Variants in KLF12 observed in about 807,000 individuals in gnomAD.
KLF12 encodes the protein KLF transcription factor 12.
Under a neutral mutation model 37.8 loss-of-function variants are expected in KLF12, and 9 were observed. The observed-to-expected ratio is 0.24, with a 90% CI of 0.14 to 0.42. KLF12 has a LOEUF of 0.42. Ranked by LOEUF, KLF12 falls within the 10% of genes least tolerant of loss-of-function variation. The pLI is 1.00. For synonymous variants in KLF12, 208 were observed against 202.1 expected (o/e 1.03, Z -0.25); for missense variants, 411 against 516.0 (o/e 0.80, Z 1.97).
At chr13:73,769,547 A>C (rs1594069877) in intron 5 of KLF12, among the ~76,000 whole-genome samples, 1 of 152,090 alleles carries the variant, frequency 6.6e-6, no homozygotes, top group East Asian at 1.9e-4. Flanking sequence ...CCACTATTTA[A>C]ACTCACTCTG....
chr13:73,702,944 T>G (rs1874666389), intron 7 of KLF12, among the ~76,000 whole-genome samples: 1 of 152,188 alleles, frequency 6.6e-6, no homozygotes, highest in Non-Finnish European at 1.5e-5. Flanking sequence ...GCCCCTGACT[T>G]GTCTGCAGAC....
chr13:73,723,527 T>C (rs1401009547), intron 6 of KLF12, among the ~76,000 whole-genome samples: 2 of 152,034 alleles, frequency 1.3e-5, no homozygotes, highest in Non-Finnish European at 2.9e-5. Flanking sequence ...TAGGTCAGAA[T>C]AGGATTAATT....
In KLF12 at chr13:74,036,522, A is replaced by G. The variant is rs118100260; in HGVS notation, c.-31-41469T>C. 9.9e-3 allele frequency among the ~76,000 whole-genome samples: 1,515 copies of G among 152,318 alleles called. 25 individuals carry two copies. Among genetic ancestry groups the G allele is most frequent in the East Asian group, 0.057 (295 of 5,188 alleles). ...TGAACACCACCAGCAGGAACACAGC[A>G]TTCCCAAGAAGGTTTTTCAACCTGA... On this transcript the variant is annotated intron_variant, in intron 1 of 7. Transcript: ENST00000377669.
intron 5 of KLF12, among the ~76,000 whole-genome samples, chr13:73,784,335 A>AT (rs1471068485): frequency 2.6e-5 from 4 of 152,128 alleles, no homozygotes; most frequent in African/African-American, 9.7e-5. Flanking sequence ...ACTCCTTAAC[A>AT]TGACATTAAA....
chr13:74,015,298 G>T (rs182697904), intron 1 of KLF12, among the ~76,000 whole-genome samples: 74 of 152,132 alleles, frequency 4.9e-4, no homozygotes, highest in African/African-American at 1.8e-3. Flanking sequence ...TATAAATTTG[G>T]TGAGCACAGG....
chr13:74,039,731 A>G (rs1333120936), intron 1 of KLF12, among the ~76,000 whole-genome samples: 1 of 152,226 alleles, frequency 6.6e-6, no homozygotes, highest in East Asian at 1.9e-4. Flanking sequence ...GCGTAATACA[A>G]TTAGGATAAA....
chr13:73,949,461 T>C (rs1315016879), intron 2 of KLF12, among the ~76,000 whole-genome samples: 1 of 152,194 alleles, frequency 6.6e-6, no homozygotes, highest in Non-Finnish European at 1.5e-5. Context: ...GTTTTCCACA[T>C]ATTTTCTTAA....
At chr13:74,025,573 A>G (rs1027529600) in intron 1 of KLF12, among the ~76,000 whole-genome samples, 8 of 152,100 alleles carry the variant, frequency 5.3e-5, no homozygotes, top group Non-Finnish European at 1.2e-4. Context: ...TAAAAAAAAA[A>G]AAAAGAAAAT....
At chr13:73,807,318 A>C (rs1384624213) in intron 5 of KLF12, among the ~76,000 whole-genome samples, 2 of 151,934 alleles carry the variant, frequency 1.3e-5, no homozygotes, top group African/African-American at 4.8e-5. Context: ...TAAAAAAAAA[A>C]AAAATCATAA....
the KLF12 span, among the ~76,000 whole-genome samples, chr13:74,260,627 A>T: frequency 8.5e-6 from 1 of 117,204 alleles, no homozygotes; most frequent in African/African-American, 5.0e-5. Context: ...ATAAAATAAA[A>T]TAGTGAATTA....
intron 5 of KLF12, among the ~76,000 whole-genome samples, chr13:73,783,914 T>G (rs1881141078): frequency 6.6e-6 from 1 of 152,152 alleles, no homozygotes; most frequent in Admixed American, 6.5e-5. Flanking sequence ...CATGTTATAT[T>G]TCCACAGGTA....
the KLF12 span, among the ~76,000 whole-genome samples, chr13:74,190,724 C>T: frequency 1.3e-5 from 2 of 152,156 alleles, no homozygotes; most frequent in South Asian, 4.2e-4. Flanking sequence ...TTATATGCAT[C>T]ATTGATTAAA....
chr13:74,071,356 G>A (rs1437684232), intron 1 of KLF12, among the ~76,000 whole-genome samples: 2 of 151,962 alleles, frequency 1.3e-5, no homozygotes, highest in African/African-American at 4.8e-5. Context: ...CCTATAATCC[G>A]CAAGACTAAA....
At chr13:73,973,685 T>A (rs1303383877) in intron 2 of KLF12, among the ~76,000 whole-genome samples, 1 of 151,002 alleles carries the variant, frequency 6.6e-6, no homozygotes, top group African/African-American at 2.4e-5. Flanking sequence ...AACAAAGTCA[T>A]AGGGAAAACA....
At chr13:74,174,753 C>G in the KLF12 span, among the ~76,000 whole-genome samples, 2 of 152,216 alleles carry the variant, frequency 1.3e-5, no homozygotes, top group Admixed American at 1.3e-4. Flanking sequence ...CTTCCATTTA[C>G]GCATTTGCTC....
chr13:73,974,851 T>C lies in KLF12; in HGVS notation c.33+20139A>G, dbSNP rs138386075. On this transcript the variant is annotated intron_variant, in intron 2 of 7. Transcript: ENST00000377669. ...GAACCAGGGATTAACATCAAACAGA[T>C]TTAAATGCAACACTATTATTTGCTG... Among the ~76,000 whole-genome samples the C allele has an allele frequency of 6.6e-5, 10 of 152,284 alleles. No homozygotes were observed. In the East Asian group the frequency reaches 1.9e-3, roughly 29 times the overall value.
At chr13:74,160,489 C>T in the KLF12 span, among the ~76,000 whole-genome samples, 37 of 152,180 alleles carry the variant, frequency 2.4e-4, no homozygotes, top group Admixed American at 2.0e-3. Context: ...TTTCAGGGAA[C>T]GTCTCAGCCT....
intron 5 of KLF12, chr13:73,800,975 C>A (rs962842580): frequency 2.0e-5 from 3 of 152,016 alleles, no homozygotes; most frequent in African/African-American, 7.2e-5. Context: ...TTAGAATAAG[C>A]CACGATGCAT....
intron 2 of KLF12, among the ~76,000 whole-genome samples, chr13:73,951,461 G>T (rs1342501926): frequency 6.6e-6 from 1 of 152,122 alleles, no homozygotes; most frequent in Non-Finnish European, 1.5e-5. Flanking sequence ...ACAATCTATT[G>T]TTCATTGCTT....
Sources: allele counts gnomAD v4.1 joint callset (sites outside exome capture counted in the v4.1 genomes callset), GRCh38; gene constraint gnomAD v4.1.1; transcripts MANE v1.5; gene names NCBI Gene and HGNC (gene_info 2026-07-23, HGNC 2026-07-21).